Variants in FAM13A observed in about 807,000 individuals in gnomAD.
The protein encoded by FAM13A is family with sequence similarity 13 member A.
FAM13A carries 76 observed loss-of-function variants against 129.6 expected under a neutral mutation model. The observed-to-expected ratio is 0.59, with a 90% CI of 0.49 to 0.71. FAM13A has a LOEUF of 0.71. Ranked by LOEUF, FAM13A falls within the 30% of genes least tolerant of loss-of-function variation. The pLI is 0.00. For missense variants in FAM13A, 1,108 were observed against 1,249.3 expected (o/e 0.89, Z 1.70); for synonymous variants, 443 against 449.9 (o/e 0.98, Z 0.20).
At chr4:89,054,097 A>G (rs1270185744) in intron 1 of FAM13A, among the ~76,000 whole-genome samples, 1 of 152,202 alleles carries the variant, frequency 6.6e-6, no homozygotes, top group Non-Finnish European at 1.5e-5. Context: ...CATGATTGGC[A>G]ATACATTTTT....
At chr4:88,985,458 C>T (rs145026632) in intron 4 of FAM13A, among the ~76,000 whole-genome samples, 4 of 152,204 alleles carry the variant, frequency 2.6e-5, no homozygotes, top group South Asian at 4.1e-4. Context: ...GGTATATAAA[C>T]GGTGTCTCAA....
intron 6 of FAM13A, among the ~76,000 whole-genome samples, chr4:88,895,486 T>C (rs921908914): frequency 1.3e-5 from 2 of 150,152 alleles, no homozygotes; most frequent in South Asian, 2.1e-4. Context: ...ACAGGCAACC[T>C]ACAAAATGGG....
chr4:88,775,445 C>T (rs1184825803), intron 11 of FAM13A, among the ~76,000 whole-genome samples: 1 of 152,066 alleles, frequency 6.6e-6, no homozygotes, highest in Admixed American at 6.6e-5. Context: ...GCACGTCACT[C>T]CTGTAATCCC....
chr4:89,021,297 A>G (rs1441173612), intron 2 of FAM13A, among the ~76,000 whole-genome samples: 3 of 152,190 alleles, frequency 2.0e-5, no homozygotes. Flanking sequence ...GAGGGGCTGG[A>G]GCTGTTACGC....
chr4:88,947,504 G>GGA (rs1336615337), intron 4 of FAM13A, among the ~76,000 whole-genome samples: 2 of 152,128 alleles, frequency 1.3e-5, no homozygotes, highest in African/African-American at 2.4e-5. Context: ...AGAAAAATCA[G>GGA]GAGAGAGAGA....
At chr4:88,881,547 T>C (rs1019499820) in intron 6 of FAM13A, among the ~76,000 whole-genome samples, 1 of 152,180 alleles carries the variant, frequency 6.6e-6, no homozygotes, top group Admixed American at 6.5e-5. Flanking sequence ...AAAACAATTC[T>C]GGTAATATAA....
At chr4:88,896,293 A>G (rs934658917) in intron 6 of FAM13A, among the ~76,000 whole-genome samples, 1 of 137,980 alleles carries the variant, frequency 7.2e-6, no homozygotes, top group Non-Finnish European at 1.6e-5. Context: ...GGGGGGAGGG[A>G]TACCATTGGG....
intron 8 of FAM13A, among the ~76,000 whole-genome samples, chr4:88,794,035 C>G (rs1407500876): frequency 6.6e-6 from 1 of 151,958 alleles, no homozygotes; most frequent in East Asian, 1.9e-4. Flanking sequence ...AAAGAAATTT[C>G]CTTCTTCATC....
intron 5 of FAM13A, among the ~76,000 whole-genome samples, chr4:88,906,806 C>A (rs1223469408): frequency 6.6e-6 from 1 of 152,142 alleles, no homozygotes; most frequent in Non-Finnish European, 1.5e-5. Flanking sequence ...GTTAAATCTC[C>A]AAAATATCAA....
intron 20 of FAM13A, 112 bp from the exon 21 acceptor site, chr4:88,737,667 T>C: frequency 1.2e-6 from 1 of 817,894 alleles, no homozygotes; most frequent in Non-Finnish European, 2.0e-6. Context: ...TCTGCATTCT[T>C]ATCCCTCCCT....
At chr4:88,844,014 T>A (rs1160319328) in intron 7 of FAM13A, among the ~76,000 whole-genome samples, 1 of 152,170 alleles carries the variant, frequency 6.6e-6, no homozygotes, top group Non-Finnish European at 1.5e-5. Context: ...CAGACTTCAA[T>A]CTCTAACCTA....
chr4:88,846,004 T>C (rs994541274), intron 7 of FAM13A, among the ~76,000 whole-genome samples: 9 of 152,250 alleles, frequency 5.9e-5, no homozygotes, highest in African/African-American at 1.7e-4. Context: ...TTCTTCATAT[T>C]ATTTTAGATA....
At chr4:88,887,554 A>T (rs1398703891) in intron 6 of FAM13A, among the ~76,000 whole-genome samples, 1 of 142,960 alleles carries the variant, frequency 7.0e-6, no homozygotes, top group Non-Finnish European at 1.5e-5. Flanking sequence ...TTTTTGAGAC[A>T]GAGTCTCCCT....
chr4:89,025,553 C>T (rs187107219), intron 2 of FAM13A, among the ~76,000 whole-genome samples: 16 of 152,186 alleles, frequency 1.1e-4, no homozygotes, highest in Admixed American at 4.6e-4. Flanking sequence ...CGTGAGCCAC[C>T]GCGCCTGGCC....
chr4:88,813,538 T>C (rs565931958), intron 7 of FAM13A, among the ~76,000 whole-genome samples: 2 of 152,232 alleles, frequency 1.3e-5, no homozygotes, highest in African/African-American at 4.8e-5. Context: ...AAAAAGAAAA[T>C]TGTTTTTGCT....
chr4:88,983,136 A>G (rs974543366), intron 4 of FAM13A, among the ~76,000 whole-genome samples: 5 of 152,150 alleles, frequency 3.3e-5, no homozygotes, highest in African/African-American at 4.8e-5. Flanking sequence ...TTATAGGTAT[A>G]AGGAAAGAAT....
At chr4:88,811,278 C>A (rs74490563) in intron 7 of FAM13A, among the ~76,000 whole-genome samples, 1,769 of 152,214 alleles carry the variant, frequency 0.012, 46 homozygotes, top group African/African-American at 0.04. Context: ...CTTAAATAGT[C>A]TTTCCCTAGT....
intron 7 of FAM13A, among the ~76,000 whole-genome samples, chr4:88,833,683 C>A (rs1734301447): frequency 6.6e-6 from 1 of 152,006 alleles, no homozygotes; most frequent in African/African-American, 2.4e-5. Context: ...GTCAGGAGTT[C>A]AAGACCAGCC....
At chr4:88,973,094 T>C (rs991689015) in intron 4 of FAM13A, among the ~76,000 whole-genome samples, 2 of 152,084 alleles carry the variant, frequency 1.3e-5, no homozygotes, top group South Asian at 2.1e-4. Context: ...TCAGAACTTT[T>C]GATCTTCTGC....
Sources: allele counts gnomAD v4.1 joint callset (sites outside exome capture counted in the v4.1 genomes callset), GRCh38; gene constraint gnomAD v4.1.1; transcripts MANE v1.5; gene names NCBI Gene and HGNC (gene_info 2026-07-23, HGNC 2026-07-21).